Variants in HFM1 observed in about 807,000 individuals in gnomAD.
HFM1 encodes helicase for meiosis 1.
In HFM1, 169 loss-of-function variants were observed where a neutral mutation model predicts 192.1. That is an observed-to-expected ratio of 0.88 (90% confidence interval 0.78 to 1.00). The LOEUF is 1.00. HFM1 is among the 50% of genes least tolerant of loss of function. The pLI is 0.00. For synonymous variants in HFM1, 525 were observed against 537.8 expected, an observed-to-expected ratio of 0.98 and a Z score of 0.33; for missense variants, 1,661 against 1,668.0, an observed-to-expected ratio of 1.00 and a Z score of 0.07.
intron 34 of HFM1, among the ~76,000 whole-genome samples, chr1:91,271,392 T>A (rs759672133): frequency 6.6e-6 from 1 of 152,164 alleles, no homozygotes; most frequent in Non-Finnish European, 1.5e-5. Flanking sequence ...CAGATACTTT[T>A]CAGTTTACTT....
At chr1:91,360,842 A>C (rs192009228) in intron 13 of HFM1, among the ~76,000 whole-genome samples, 66 of 152,316 alleles carry the variant, frequency 4.3e-4, no homozygotes, top group Non-Finnish European at 2.2e-4. Context: ...CATAACAAAC[A>C]GTCTCTCAGA....
intron 34 of HFM1, among the ~76,000 whole-genome samples, chr1:91,268,868 A>G (rs1247326751): frequency 6.6e-6 from 1 of 152,082 alleles, no homozygotes. Context: ...TCTAACAAGT[A>G]AGATGAAAAT....
intron 4 of HFM1, among the ~76,000 whole-genome samples, chr1:91,386,164 G>A (rs192753655): frequency 8.7e-4 from 133 of 152,294 alleles, no homozygotes; most frequent in African/African-American, 2.9e-3. Flanking sequence ...TACTGCAGAA[G>A]TGTAAATGTT....
intron 13 of HFM1, among the ~76,000 whole-genome samples, chr1:91,355,800 A>G (rs1026581935): frequency 6.6e-6 from 1 of 152,196 alleles, no homozygotes. Context: ...TTCAATAATG[A>G]TAGATTAACC....
chr1:91,343,409 CT>C lies in HFM1; in HGVS notation c.2335+20del, dbSNP rs985113774. Reference sequence around the variant, plus strand: ...CTTAAGTAAACAATTGCTAAATTTACTGACAATGATAAGAAATTACCAGTTG... The same window carrying C: ...CTTAAGTAAACAATTGCTAAATTTACGACAATGATAAGAAATTACCAGTTG... On this transcript the variant is annotated intron_variant, in intron 20 of 38. Coordinates refer to ENST00000370425, the MANE Select transcript of HFM1 (RefSeq NM_001017975.6). 7.7e-6 allele frequency: 9 copies of C among 1,172,676 alleles called. No homozygotes were observed. Among genetic ancestry groups the C allele is most frequent in the Non-Finnish European group, 1.1e-5 (9 of 816,102 alleles). The allele number at this position is 1,172,676 out of a possible 1,614,324, so 72.6% of individuals were successfully genotyped here.
At chr1:91,276,047 A>G (rs556224695) in intron 32 of HFM1, among the ~76,000 whole-genome samples, 1 of 152,150 alleles carries the variant, frequency 6.6e-6, no homozygotes, top group African/African-American at 2.4e-5. Flanking sequence ...TTACTGAGAA[A>G]GAGTTTCTTT....
chr1:91,407,912 A>G (rs928875915), upstream of HFM1, among the ~76,000 whole-genome samples: 3 of 152,194 alleles, frequency 2.0e-5, no homozygotes, highest in African/African-American at 7.2e-5. Flanking sequence ...AGTCAGTAGA[A>G]ATTGATATTG....
chr1:91,371,274 G>T (rs1304782389), intron 13 of HFM1, among the ~76,000 whole-genome samples: 1 of 149,608 alleles, frequency 6.7e-6, no homozygotes, highest in Admixed American at 6.7e-5. Flanking sequence ...AAAAGAGCCC[G>T]CATTGCCAAG....
At position 91,363,293 on chromosome 1, in the gene HFM1, G is replaced by T. The variant is rs190847529; in HGVS notation, c.1686-9994C>A. ...TCTGCAATCTATCTATCTGACAAAGGTCTCATATCCAGAGTCTACAAGGAA... is the reference window on the plus strand; with the variant it reads ...TCTGCAATCTATCTATCTGACAAAGTTCTCATATCCAGAGTCTACAAGGAA... On this transcript the variant is annotated intron_variant, in intron 13 of 38. Transcript: ENST00000370425. 3.3e-5 allele frequency among the ~76,000 whole-genome samples: 5 copies of T among 151,602 alleles called. No individual in the cohort carries two copies. In the East Asian group the frequency reaches 9.8e-4, roughly 30 times the overall value.
At position 91,395,010 on chromosome 1, in the gene HFM1, T is replaced by C. The variant is rs558529668; in HGVS notation, c.185-608A>G. ...TCTACATTATACACTATGCTATATATTATTTGATATAAGTATATATATAAC... is the reference window on the plus strand; with the variant it reads ...TCTACATTATACACTATGCTATATACTATTTGATATAAGTATATATATAAC... On this transcript the variant is annotated intron_variant, in intron 3 of 38. Coordinates refer to ENST00000370425, the MANE Select transcript of HFM1 (RefSeq NM_001017975.6). Among the ~76,000 whole-genome samples, 4 of 151,402 alleles carry C rather than the reference T, an allele frequency of 2.6e-5. No homozygotes were observed. In the South Asian group the frequency reaches 8.3e-4, roughly 31 times the overall value.
intron 13 of HFM1, 110 bp downstream of exon 13, chr1:91,375,248 T>C (rs1045658534): frequency 2.1e-5 from 14 of 671,424 alleles, no homozygotes; most frequent in Non-Finnish European, 2.9e-5. Flanking sequence ...ATTTTATAGA[T>C]GAGGACACTG....
chr1:91,262,405 T>TA lies in HFM1; in HGVS notation c.4087-14dup, dbSNP rs752618488. 80 of 1,581,934 alleles carry TA rather than the reference T, an allele frequency of 5.1e-5. No homozygotes were observed. Among genetic ancestry groups the TA allele is most frequent in the Middle Eastern group, 3.4e-4 (2 of 5,964 alleles). On this transcript the variant is annotated splice_polypyrimidine_tract_variant and intron_variant, in intron 37 of 38. Transcript: ENST00000370425. ...CTTGAAAATGGACCTACATTTGAGA[T>TA]AAAAAATAACAATCATTGAAAGTTT... is the stretch of plus-strand genomic sequence containing the variant.
At chr1:91,325,982 G>A (rs1652835514) in intron 20 of HFM1, among the ~76,000 whole-genome samples, 1 of 151,962 alleles carries the variant, frequency 6.6e-6, no homozygotes, top group Non-Finnish European at 1.5e-5. Flanking sequence ...CAATGCATCA[G>A]AGTATCTTAA....
At chr1:91,280,280 T>C (rs487069) in intron 30 of HFM1, among the ~76,000 whole-genome samples, 28,427 of 152,082 alleles carry the variant, frequency 0.19, 2,952 homozygotes, top group Non-Finnish European at 0.24. Flanking sequence ...GCAGAGGGGA[T>C]AGCATATGCT....
chr1:91,319,023 A>C, intron 25 of HFM1, 55 bp downstream of exon 25: 1 of 1,499,888 alleles, frequency 6.7e-7, no homozygotes, highest in South Asian at 1.3e-5. Context: ...ACTAACAGTG[A>C]ATACAAAATA....
Position 91,310,446 on chromosome 1 carries a change from C to T in HFM1, c.3391+2903G>A, listed in dbSNP as rs186041530. Among the ~76,000 whole-genome samples, 20 of 152,300 alleles carry T rather than the reference C, an allele frequency of 1.3e-4. No homozygotes were observed. In the East Asian group the frequency reaches 3.9e-3, roughly 29 times the overall value. On this transcript the variant is annotated intron_variant, in intron 30 of 38. Transcript: ENST00000370425. ...AATAAAAAATAATAATTCATTTTCACTCTGATTTGCCTTAACAAATCTGTT... is the reference window on the plus strand; with the variant it reads ...AATAAAAAATAATAATTCATTTTCATTCTGATTTGCCTTAACAAATCTGTT...
At chr1:91,365,477 C>T (rs963092728) in intron 13 of HFM1, among the ~76,000 whole-genome samples, 4 of 151,696 alleles carry the variant, frequency 2.6e-5, no homozygotes, top group Admixed American at 6.6e-5. Context: ...CTCAAATATG[C>T]CATATAAAAT....
intron 20 of HFM1, among the ~76,000 whole-genome samples, chr1:91,341,307 A>T (rs1005168069): frequency 4.6e-5 from 7 of 152,340 alleles, no homozygotes; most frequent in South Asian, 4.1e-4. Flanking sequence ...ATTACATGGA[A>T]ATTAAACAAC....
chr1:91,351,706 A>G, intron 16 of HFM1, 63 bp from the exon 17 acceptor site: 1 of 770,324 alleles, frequency 1.3e-6, no homozygotes, highest in Non-Finnish European at 2.2e-6. Flanking sequence ...GTCCTCTTCA[A>G]TAACTGAAGA....
Sources: allele counts gnomAD v4.1 joint callset (sites outside exome capture counted in the v4.1 genomes callset), GRCh38; gene constraint gnomAD v4.1.1; transcripts MANE v1.5; gene names NCBI Gene and HGNC (gene_info 2026-07-23, HGNC 2026-07-21).